KIF26A: variants seen among roughly 807,000 people sequenced by gnomAD.
The protein encoded by KIF26A is kinesin-like protein KIF26A.
In KIF26A, 74 loss-of-function variants were observed where a neutral mutation model predicts 126.0. The observed-to-expected ratio is 0.59, with a 90% CI of 0.49 to 0.71. KIF26A has a LOEUF of 0.71. KIF26A is among the 30% of genes least tolerant of loss of function. The pLI, the probability that KIF26A is intolerant of heterozygous loss-of-function variation, is 0.00. For synonymous variants in KIF26A, 1,445 were observed against 1,232.7 expected, an observed-to-expected ratio of 1.17 and a Z score of -3.61; for missense variants, 2,984 against 2,763.3, an observed-to-expected ratio of 1.08 and a Z score of -1.79.
chr14:104,141,522 G>A (rs1001874067), intron 2 of KIF26A, among the ~76,000 whole-genome samples: 3 of 152,076 alleles, frequency 2.0e-5, no homozygotes, highest in African/African-American at 7.2e-5. Flanking sequence ...GTAGAGGGAG[G>A]CGTAGAGGGT....
At chr14:104,155,420 C>T (rs1259386620) in intron 3 of KIF26A, among the ~76,000 whole-genome samples, 2 of 152,282 alleles carry the variant, frequency 1.3e-5, no homozygotes, top group Admixed American at 6.5e-5. Flanking sequence ...GGGTCCCGTG[C>T]GGCTATGCTT....
chr14:104,176,173 C>T lies in KIF26A; in HGVS notation c.3385C>T (p.Pro1129Ser). The stretch of plus-strand genomic sequence containing the variant: ...CACTGCCGACAGCCGTGACCCCACG[C>T]CGCAGCCCCGCTTCAGCCCCGACTC... The part of the protein sequence containing the change: ...VCTADSRDPT[P>S]QPRFSPDSLA... Residue 1129 changes from proline to serine, a missense_variant, in exon 12 of 15, where the codon CCG becomes TCG. Coordinates refer to ENST00000423312, the MANE Select transcript of KIF26A (RefSeq NM_015656.2). 1 of 1,593,474 alleles carries T rather than the reference C, an allele frequency of 6.3e-7. No individual in the cohort carries two copies. The highest frequency in any genetic ancestry group is 8.5e-7 in the Non-Finnish European group (1 of 1,171,130).
Position 104,175,026 on chromosome 14 carries a change from C to A in KIF26A, c.2238C>A (p.Gly746=). The change falls in exon 12 of 15, where the codon GGC becomes GGA. Residue 746 remains glycine, a synonymous_variant. Transcript: ENST00000423312. ...SSGGESSCEE[G]RARRPPHLRP... ...GCGGGGAGAGCTCCTGTGAGGAAGG[C>A]CGGGCCCGTCGGCCCCCGCACCTGC... The A allele has an allele frequency of 1.3e-6, 2 of 1,559,178 alleles. No homozygotes were observed. Among genetic ancestry groups the A allele is most frequent in the Non-Finnish European group, 8.7e-7 (1 of 1,155,834 alleles).
chr14:104,152,143 C>A lies in KIF26A; in HGVS notation c.417C>A (p.Ala139=). ...ATHLQQLTRE[A]MHLLQAPASH... ...ACCTGCAGCAGCTCACACGGGAGGC[C>A]ATGCACCTGCTGCAGGCCCCTGCCA... is the stretch of plus-strand genomic sequence containing the variant. Residue 139 remains alanine (A), a synonymous_variant, in exon 3 of 15, where the codon GCC becomes GCA. Coordinates refer to ENST00000423312, the MANE Select transcript of KIF26A (RefSeq NM_015656.2). This position sits in a 1 kb window ranked among gnomAD's most constrained non-coding sequence, Gnocchi z 5.9. The A allele has an allele frequency of 6.2e-7, 1 of 1,611,108 alleles. No homozygotes were observed. Among genetic ancestry groups the A allele is most frequent in the Non-Finnish European group, 8.5e-7 (1 of 1,179,450 alleles).
intron 2 of KIF26A, among the ~76,000 whole-genome samples, chr14:104,150,643 C>T (rs552636520): frequency 6.6e-6 from 1 of 152,220 alleles, no homozygotes; most frequent in South Asian, 2.1e-4. Context: ...CCTCAGCTTC[C>T]TCATCTGAGA....
intron 3 of KIF26A, among the ~76,000 whole-genome samples, chr14:104,156,357 C>T (rs965650424): frequency 5.3e-5 from 8 of 152,138 alleles, no homozygotes; most frequent in African/African-American, 1.9e-4. Flanking sequence ...TCCTGGCCTG[C>T]AGGCTGCTGG....
intron 4 of KIF26A, among the ~76,000 whole-genome samples, chr14:104,164,887 ATG>A (rs1029971095): frequency 1.4e-5 from 2 of 140,746 alleles, no homozygotes; most frequent in Non-Finnish European, 3.1e-5. Flanking sequence ...CTCTCTGTAT[ATG>A]TGTCTCTGTG....
chr14:104,171,214 G>T (rs1023740915), intron 5 of KIF26A, among the ~76,000 whole-genome samples: 46 of 152,254 alleles, frequency 3.0e-4, no homozygotes, highest in African/African-American at 1.0e-3. Context: ...AGCTGGCCAG[G>T]GTCGGAGGCA....
rs746953034 is a variant in KIF26A at position 104,178,674 on chromosome 14, G to A, written c.5235G>A (p.Pro1745=). 85 of 1,560,816 alleles carry A rather than the reference G, an allele frequency of 5.4e-5. No homozygotes were observed. The highest frequency in any genetic ancestry group is 1.8e-4 in the Middle Eastern group (1 of 5,692). Residue 1745 remains proline, a synonymous_variant, in exon 13 of 15, where the codon CCG becomes CCA. Transcript: ENST00000423312. ...PPPLAGSLKE[P]FEIKVYEIDD... ...CCCTGGCTGGCTCCCTGAAGGAGCC[G>A]TTCGAGATCAAGGTGTACGAGATCG...
intron 4 of KIF26A, among the ~76,000 whole-genome samples, chr14:104,165,425 G>A (rs1386430587): frequency 4.1e-5 from 6 of 145,632 alleles, no homozygotes; most frequent in Admixed American, 1.3e-4. Flanking sequence ...CTCTGTATGC[G>A]TGTGTGTCTG....
Position 104,177,120 on chromosome 14 carries a change from G to A in KIF26A, c.4332G>A (p.Leu1444=), listed in dbSNP as rs1179692537. ...CGTCTCTGGAGCGGTACGAAGGCCT[G>A]GCGCACAGCAGCAGCAAGGGCCGGG... ...GHASLERYEG[L]AHSSSKGREA... Residue 1444 remains leucine, a synonymous_variant, in exon 12 of 15, where the codon CTG becomes CTA. Coordinates refer to ENST00000423312, the MANE Select transcript of KIF26A (RefSeq NM_015656.2). 4 of 1,597,600 alleles carry A rather than the reference G, an allele frequency of 2.5e-6. No individual in the cohort carries two copies. The highest frequency in any genetic ancestry group is 3.4e-6 in the Non-Finnish European group (4 of 1,179,434).
At chr14:104,178,834 G>A in intron 13 of KIF26A, 79 bp downstream of exon 13, 4 of 810,416 alleles carry the variant, frequency 4.9e-6, no homozygotes, top group Non-Finnish European at 7.6e-6. Context: ...CATTTGATGG[G>A]CTCGCCAGGC....
chr14:104,166,452 C>G (rs895041502), intron 4 of KIF26A, among the ~76,000 whole-genome samples: 4 of 152,166 alleles, frequency 2.6e-5, no homozygotes, highest in African/African-American at 7.2e-5. Flanking sequence ...GCCCAGGTCA[C>G]AGCTGTGCAT....
intron 2 of KIF26A, among the ~76,000 whole-genome samples, chr14:104,141,079 G>A (rs74087174): frequency 0.017 from 2,642 of 152,324 alleles, 66 homozygotes; most frequent in African/African-American, 0.061. Flanking sequence ...TGTCCCCTGT[G>A]CGGGCCTGGG....
intron 2 of KIF26A, among the ~76,000 whole-genome samples, chr14:104,142,844 C>G (rs1377753771): frequency 6.6e-6 from 1 of 152,176 alleles, no homozygotes; most frequent in African/African-American, 2.4e-5. Context: ...GACTGAATGA[C>G]CAGGCTTTTC....
chr14:104,150,478 T>A (rs2037718842), intron 2 of KIF26A, among the ~76,000 whole-genome samples: 1 of 151,802 alleles, frequency 6.6e-6, no homozygotes, highest in Non-Finnish European at 1.5e-5. Context: ...GGAACATGAT[T>A]GCCGCACATG....
intron 2 of KIF26A, among the ~76,000 whole-genome samples, chr14:104,149,095 T>G (rs982560472): frequency 6.6e-6 from 1 of 152,148 alleles, no homozygotes; most frequent in African/African-American, 2.4e-5. Context: ...GTGTGATGGC[T>G]CAGTGGTGGG....
rs1206284895 is a variant in KIF26A at position 104,175,365 on chromosome 14, A to G, written c.2577A>G (p.Gly859=). ...ECMDGNEGPS[G]GPGGTDGAQA... ...TGGACGGCAACGAGGGTCCCTCAGG[A>G]GGTCCAGGTGGCACCGACGGAGCTC... Residue 859 remains glycine, a synonymous_variant, in exon 12 of 15, where the codon GGA becomes GGG. Coordinates refer to ENST00000423312, the MANE Select transcript of KIF26A (RefSeq NM_015656.2). The G allele has an allele frequency of 6.2e-7, 1 of 1,601,524 alleles. No individual in the cohort carries two copies. Among genetic ancestry groups the G allele is most frequent in the Admixed American group, 1.7e-5 (1 of 59,812 alleles).
At position 104,152,760 on chromosome 14, in the gene KIF26A, T is replaced by A. The variant is rs1423107358; in HGVS notation, c.735+299T>A. 6.6e-6 allele frequency among the ~76,000 whole-genome samples: 1 copy of A among 152,174 alleles called. No homozygotes were observed. Among genetic ancestry groups the A allele is most frequent in the African/African-American group, 2.4e-5 (1 of 41,450 alleles). On this transcript the variant is annotated intron_variant, in intron 3 of 14. Coordinates refer to ENST00000423312, the MANE Select transcript of KIF26A (RefSeq NM_015656.2). The surrounding 1 kb of genome is among the most constrained non-coding windows in gnomAD (Gnocchi z 5.9). ...GGCCCACCAGTGCCCAGCACAGGGC[T>A]TGGCGATGCACAGGGCACCGTGTGT...
Sources: gnomAD v4.1 joint callset for allele counts (sites outside exome capture counted in the v4.1 genomes callset) on GRCh38, gnomAD v4.1.1 for gene constraint, Gnocchi (gnomAD v3.1) non-coding constraint, MANE v1.5 for transcripts, NCBI Gene and HGNC (gene_info 2026-07-23, HGNC 2026-07-21) for gene names.